Variants in MYLIP observed in about 807,000 individuals in gnomAD.
MYLIP encodes the protein myosin regulatory light chain interacting protein.
A neutral mutation model predicts 45.8 loss-of-function variants in MYLIP; 26 were observed. That is an observed-to-expected ratio of 0.57 (90% CI 0.42 to 0.79). MYLIP has a LOEUF of 0.79. Among genes scored for constraint, MYLIP ranks in the 30% least tolerant of loss-of-function variants. MYLIP has a pLI of 0.00. For missense variants in MYLIP, 494 were observed against 555.6 expected (o/e 0.89, Z 1.11); for synonymous variants, 213 against 218.1 (o/e 0.98, Z 0.21).
the MYLIP span, among the ~76,000 whole-genome samples, chr6:16,155,612 A>C: frequency 6.6e-6 from 1 of 152,186 alleles, no homozygotes; most frequent in African/African-American, 2.4e-5. Context: ...CAGGCACTGG[A>C]GTTAGCCGGC....
intron 5 of MYLIP, 95 bp from the exon 6 acceptor site, chr6:16,144,802 A>G (rs1056387688): frequency 1.0e-5 from 14 of 1,392,132 alleles, no homozygotes; most frequent in Non-Finnish European, 1.3e-5. Context: ...AGACTATGAA[A>G]CATCTGCTGA....
At position 16,129,719 on chromosome 6, in the gene MYLIP, T is replaced by C. The variant is rs1759418380; in HGVS notation, c.87+310T>C. On this transcript the variant is annotated intron_variant, in intron 1 of 6. Coordinates refer to ENST00000356840, the MANE Select transcript of MYLIP (RefSeq NM_013262.4). This position sits in a 1 kb window ranked among gnomAD's most constrained non-coding sequence, Gnocchi z 5.1. ...CAGCACTTTCCCGGAAGAAGGCGGC[T>C]CCGCACACCTGCCGCAGGTATGTGC... Among the ~76,000 whole-genome samples, 1 of 152,108 alleles carries C rather than the reference T, an allele frequency of 6.6e-6. No individual in the cohort carries two copies. The highest frequency in any genetic ancestry group is 1.5e-5 in the Non-Finnish European group (1 of 67,994).
intron 6 of MYLIP, among the ~76,000 whole-genome samples, chr6:16,146,431 T>C (rs1297728800): frequency 6.6e-6 from 1 of 152,262 alleles, no homozygotes; most frequent in African/African-American, 2.4e-5. Context: ...AAAATGTAAT[T>C]AATTTCCTTC....
chr6:16,139,493 C>T (rs1197281820), intron 2 of MYLIP, among the ~76,000 whole-genome samples: 1 of 152,098 alleles, frequency 6.6e-6, no homozygotes, highest in Non-Finnish European at 1.5e-5. Flanking sequence ...TCTTCTTTAA[C>T]GAAAGCATAG....
intron 2 of MYLIP, among the ~76,000 whole-genome samples, chr6:16,138,181 T>C (rs1211978726): frequency 6.6e-6 from 1 of 152,200 alleles, no homozygotes; most frequent in Non-Finnish European, 1.5e-5. Context: ...TTTCTGTTTG[T>C]GATTCTAGGA....
Position 16,143,126 on chromosome 6 carries a change from T to G in MYLIP, c.571T>G (p.Ser191Ala). Residue 191 changes from serine (S) to alanine (A), a missense_variant, in exon 4 of 7, where the codon TCT becomes GCT. Physicochemically the swap from Ser to Ala is moderately conservative, Grantham distance 99 (BLOSUM62 1). Coordinates refer to ENST00000356840, the MANE Select transcript of MYLIP (RefSeq NM_013262.4). The part of the protein sequence containing the change: ...AMENYGIEWH[S>A]VRDSEGQKLL... Reference sequence around the variant, plus strand: ...GGAAAACTATGGCATAGAATGGCATTCTGTGCGGGATAGCGAAGGGCAGAA... The same window carrying G: ...GGAAAACTATGGCATAGAATGGCATGCTGTGCGGGATAGCGAAGGGCAGAA... 6.2e-7 allele frequency: 1 copy of G among 1,614,214 alleles called. No homozygotes were observed. The highest frequency in any genetic ancestry group is 8.5e-7 in the Non-Finnish European group (1 of 1,180,050).
Position 16,129,226 on chromosome 6 carries a change from C to A in MYLIP, c.-97C>A, listed in dbSNP as rs1442732041. ...AGAGCTGCAGCCTTCGAGGGCCAGC[C>A]CTCTCCGAGTCCGGGGCTGGGTCCC... On this transcript the variant is annotated 5_prime_UTR_variant, in exon 1 of 7. Coordinates refer to ENST00000356840, the MANE Select transcript of MYLIP (RefSeq NM_013262.4). The surrounding 1 kb of genome is among the most constrained non-coding windows in gnomAD (Gnocchi z 5.1). The A allele has an allele frequency of 7.6e-7, 1 of 1,319,372 alleles. No homozygotes were observed. Among genetic ancestry groups the A allele is most frequent in the Non-Finnish European group, 1.1e-6 (1 of 949,486 alleles). 81.7% of individuals were successfully genotyped at this position (1,319,372 alleles called of 1,614,324 possible).
chr6:16,142,914 T>G lies in MYLIP; in HGVS notation c.465-106T>G, dbSNP rs550675758. 2.0e-4 allele frequency: 233 copies of G among 1,144,758 alleles called. 3 individuals are homozygous for G. The Middle Eastern group carries it at 2.2e-3, about 11-fold the overall frequency. The allele number at this position is 1,144,758 out of a possible 1,614,324, so 70.9% of individuals were successfully genotyped here. ...TCAGTAATACATAAGTTTTAAGTTG[T>G]TGTGATTCATCAGTGTTAGTATATT... On this transcript the variant is annotated intron_variant, in intron 3 of 6. Coordinates refer to ENST00000356840, the MANE Select transcript of MYLIP (RefSeq NM_013262.4).
the MYLIP span, among the ~76,000 whole-genome samples, chr6:16,157,891 T>A: frequency 6.6e-6 from 1 of 152,224 alleles, no homozygotes; most frequent in African/African-American, 2.4e-5. Context: ...CAAAAAGCTG[T>A]TGGGCAAAAT....
chr6:16,163,181 A>G, the MYLIP span, among the ~76,000 whole-genome samples: 2 of 152,088 alleles, frequency 1.3e-5, no homozygotes, highest in African/African-American at 4.8e-5. Flanking sequence ...GAGGTAATAC[A>G]CTTTTTCCTT....
chr6:16,138,595 A>G (rs1043344308), intron 2 of MYLIP, among the ~76,000 whole-genome samples: 1 of 152,158 alleles, frequency 6.6e-6, no homozygotes, highest in Non-Finnish European at 1.5e-5. Context: ...GGCTGGAGTT[A>G]TTTTGATGGG....
intron 3 of MYLIP, 86 bp downstream of exon 3, chr6:16,141,896 A>G (rs931871775): frequency 7.9e-6 from 10 of 1,273,666 alleles, no homozygotes; most frequent in East Asian, 5.0e-5. Context: ...CTAATCACAC[A>G]TAATATGCAG....
rs1364526545 is a variant in MYLIP, at chr6:16,129,998, T to A, written c.88-559T>A. On this transcript the variant is annotated intron_variant, in intron 1 of 6. Coordinates refer to ENST00000356840, the MANE Select transcript of MYLIP (RefSeq NM_013262.4). This position sits in a 1 kb window ranked among gnomAD's most constrained non-coding sequence, Gnocchi z 5.1. ...TTTTAAGCATGTGTTTCCTTAACAG[T>A]GAGGGAGATCGGTGCCAAATAGTGC... Among the ~76,000 whole-genome samples, 1 of 152,184 alleles carries A rather than the reference T, an allele frequency of 6.6e-6. No homozygotes were observed. Among genetic ancestry groups the A allele is most frequent in the African/African-American group, 2.4e-5 (1 of 41,444 alleles).
downstream of MYLIP, among the ~76,000 whole-genome samples, chr6:16,149,145 G>A (rs549945942): frequency 5.9e-5 from 9 of 152,258 alleles, no homozygotes; most frequent in South Asian, 6.2e-4. Context: ...TTGTCTCTGC[G>A]CGGAAGTTAG....
chr6:16,158,529 T>G, the MYLIP span, among the ~76,000 whole-genome samples: 1 of 152,202 alleles, frequency 6.6e-6, no homozygotes, highest in Admixed American at 6.5e-5. Flanking sequence ...TACAGTATAT[T>G]CAAGGCATAT....
At chr6:16,137,609 C>T (rs542756800) in intron 2 of MYLIP, among the ~76,000 whole-genome samples, 2 of 152,194 alleles carry the variant, frequency 1.3e-5, no homozygotes, top group Admixed American at 1.3e-4. Flanking sequence ...TGAGAGGAAC[C>T]CTCTATGATG....
Position 16,129,382 on chromosome 6 carries a change from A to T in MYLIP, c.60A>T (p.Lys20Asn). The T allele has an allele frequency of 6.3e-7, 1 of 1,591,782 alleles. No homozygotes were observed. Among genetic ancestry groups the T allele is most frequent in the Non-Finnish European group, 8.6e-7 (1 of 1,169,340 alleles). Residue 20 changes from lysine (K) to asparagine (N), a missense_variant, in exon 1 of 7, where the codon AAA becomes AAT. Transcript: ENST00000356840. This position sits in a 1 kb window ranked among gnomAD's most constrained non-coding sequence, Gnocchi z 5.1. ...AVLMEVEVEA[K>N]ANGEDCLNQV... Reference sequence around the variant, plus strand: ...TGATGGAGGTGGAGGTGGAGGCGAAAGCCAACGGCGAGGACTGCCTCAACC... The same window carrying T: ...TGATGGAGGTGGAGGTGGAGGCGAATGCCAACGGCGAGGACTGCCTCAACC...
chr6:16,157,492 T>C, the MYLIP span, among the ~76,000 whole-genome samples: 1 of 152,268 alleles, frequency 6.6e-6, no homozygotes, highest in Non-Finnish European at 1.5e-5. Flanking sequence ...GTTTTGTTTA[T>C]TACTGCATCC....
At chr6:16,150,476 C>T (rs540013552), downstream of MYLIP, among the ~76,000 whole-genome samples, 17 of 152,174 alleles carry the variant, frequency 1.1e-4, no homozygotes, top group East Asian at 5.8e-4. Context: ...GGCAGGGCCA[C>T]GAGAAGTGTT....
Sources: allele counts gnomAD v4.1 joint callset (sites outside exome capture counted in the v4.1 genomes callset), GRCh38; gene constraint gnomAD v4.1.1; non-coding constraint Gnocchi (gnomAD v3.1); transcripts MANE v1.5; gene names NCBI Gene and HGNC (gene_info 2026-07-23, HGNC 2026-07-21).